Variants in NPNT observed in about 807,000 individuals in gnomAD.
The protein encoded by NPNT is nephronectin.
In NPNT, 45 loss-of-function variants were observed where a neutral mutation model predicts 68.6. That is an observed-to-expected ratio of 0.66 (90% CI 0.52 to 0.84). The LOEUF (loss-of-function observed/expected upper bound fraction) is 0.84, where lower values mean the gene tolerates loss of function less well. Ranked by LOEUF, NPNT falls within the 40% of genes least tolerant of loss-of-function variation. The probability of loss-of-function intolerance (pLI) is 0.00; values close to 1 mark genes in which losing one functional copy is unlikely to be tolerated. For missense variants in NPNT, 672 were observed against 714.8 expected, an observed-to-expected ratio of 0.94 and a Z score of 0.68; for synonymous variants, 233 against 253.3, an observed-to-expected ratio of 0.92 and a Z score of 0.76.
chr4:105,948,688 C>T (rs545935133), intron 8 of NPNT, among the ~76,000 whole-genome samples: 1 of 152,062 alleles, frequency 6.6e-6, no homozygotes, highest in Non-Finnish European at 1.5e-5. Flanking sequence ...ACTCTGTCAC[C>T]CAGGCTGCTG....
At chr4:105,938,787 G>A (rs1481753411) in intron 5 of NPNT, among the ~76,000 whole-genome samples, 1 of 152,136 alleles carries the variant, frequency 6.6e-6, no homozygotes, top group African/African-American at 2.4e-5. Flanking sequence ...TGTTCTTCAG[G>A]CCTCAGATTT....
chr4:105,945,514 G>A (rs1267478463), intron 8 of NPNT, among the ~76,000 whole-genome samples: 1 of 152,112 alleles, frequency 6.6e-6, no homozygotes, highest in Non-Finnish European at 1.5e-5. Flanking sequence ...TCTATCACCT[G>A]TTGCTAAGGT....
chr4:105,924,240 C>G (rs1450340837), intron 2 of NPNT, among the ~76,000 whole-genome samples: 2 of 152,118 alleles, frequency 1.3e-5, no homozygotes, highest in Admixed American at 6.6e-5. Flanking sequence ...TTTTCATACC[C>G]TCTATGACTC....
Position 105,967,221 on chromosome 4 carries a change from C to T in NPNT, c.1379C>T (p.Ala460Val), listed in dbSNP as rs774575903. 4 of 1,613,858 alleles carry T rather than the reference C, an allele frequency of 2.5e-6. No homozygotes were observed. Among genetic ancestry groups the T allele is most frequent in the Non-Finnish European group, 1.7e-6 (2 of 1,179,964 alleles). ...TATCTGACAGTGTCGGCAGCCAAAG[C>T]CCCAGGGGGAAAAGCTGCACGCTTG... ...GQYLTVSAAK[A>V]PGGKAARLVL... The change falls in exon 11 of 12, where the codon GCC (alanine) becomes GTC (valine). Residue 460 changes from alanine to valine, a missense_variant. Transcript: ENST00000379987.
chr4:105,957,330 AC>A (rs1467363961), intron 8 of NPNT, among the ~76,000 whole-genome samples: 1 of 152,110 alleles, frequency 6.6e-6, no homozygotes, highest in African/African-American at 2.4e-5. Context: ...AGTCTTGTCT[AC>A]CCCGTTCACC....
At chr4:105,912,684 AT>A (rs1203558020) in intron 2 of NPNT, 2 of 390,342 alleles carry the variant, frequency 5.1e-6, no homozygotes, top group East Asian at 1.6e-4. Context: ...GAAATATGTT[AT>A]CAGTTATAAT....
intron 7 of NPNT, among the ~76,000 whole-genome samples, chr4:105,942,073 A>G (rs1252497529): frequency 6.6e-6 from 1 of 151,400 alleles, no homozygotes; most frequent in African/African-American, 2.4e-5. Flanking sequence ...CATACATCCA[A>G]AGGATGAATA....
chr4:105,966,290 C>A (rs1710467063), intron 10 of NPNT, among the ~76,000 whole-genome samples: 1 of 152,168 alleles, frequency 6.6e-6, no homozygotes, highest in South Asian at 2.1e-4. Flanking sequence ...AACTTTCTCT[C>A]TCTTGAGAAG....
At chr4:105,922,926 T>G (rs537639583) in intron 2 of NPNT, among the ~76,000 whole-genome samples, 2 of 152,320 alleles carry the variant, frequency 1.3e-5, no homozygotes, top group East Asian at 3.9e-4. Context: ...CATATTTGGA[T>G]GCTAGTGATA....
chr4:105,898,456 T>C (rs78213340), intron 2 of NPNT, among the ~76,000 whole-genome samples: 8,081 of 151,394 alleles, frequency 0.053, 315 homozygotes, highest in Non-Finnish European at 0.084. Flanking sequence ...GGGGATAAGA[T>C]AATGAGTCTA....
intron 2 of NPNT, among the ~76,000 whole-genome samples, chr4:105,914,239 A>G (rs1270931568): frequency 6.7e-6 from 1 of 148,302 alleles, no homozygotes; most frequent in Non-Finnish European, 1.5e-5. Flanking sequence ...AGTATATAGT[A>G]TCAGTATATA....
chr4:105,949,734 A>G (rs572273219), intron 8 of NPNT, among the ~76,000 whole-genome samples: 1 of 152,336 alleles, frequency 6.6e-6, no homozygotes, highest in South Asian at 2.1e-4. Flanking sequence ...TGTTTTATGG[A>G]AAATATTTAA....
intron 9 of NPNT, 146 bp from the exon 10 acceptor site, chr4:105,958,882 A>C: frequency 1.6e-6 from 1 of 611,818 alleles, no homozygotes; most frequent in Non-Finnish European, 2.9e-6. Context: ...AGATTAATGT[A>C]ATTTCCCTTT....
At chr4:105,939,571 A>G (rs1729767321) in intron 5 of NPNT, among the ~76,000 whole-genome samples, 2 of 152,178 alleles carry the variant, frequency 1.3e-5, no homozygotes, top group Admixed American at 6.6e-5. Flanking sequence ...TTTTAATGGA[A>G]TCATTTTGAC....
intron 8 of NPNT, among the ~76,000 whole-genome samples, chr4:105,947,220 T>G (rs1183610421): frequency 6.6e-6 from 1 of 152,168 alleles, no homozygotes; most frequent in Non-Finnish European, 1.5e-5. Flanking sequence ...CTAAAATCGC[T>G]GTTATTGTGT....
intron 10 of NPNT, among the ~76,000 whole-genome samples, chr4:105,965,194 A>T (rs1732019579): frequency 6.6e-6 from 1 of 152,176 alleles, no homozygotes; most frequent in South Asian, 2.1e-4. Flanking sequence ...TGATACTGTA[A>T]ACTGAATGAA....
chr4:105,907,465 T>A (rs1439497905), intron 2 of NPNT, among the ~76,000 whole-genome samples: 1 of 152,224 alleles, frequency 6.6e-6, no homozygotes, highest in East Asian at 1.9e-4. Flanking sequence ...CCTGTCTGAA[T>A]TGTCACCGTA....
At chr4:105,926,428 C>T (rs188618530) in intron 2 of NPNT, among the ~76,000 whole-genome samples, 6 of 152,074 alleles carry the variant, frequency 3.9e-5, no homozygotes, top group East Asian at 1.9e-4. Context: ...TTTGTTGTGG[C>T]GGGTTGTCTG....
At chr4:105,951,396 G>A (rs4616758) in intron 8 of NPNT, among the ~76,000 whole-genome samples, 137,599 of 152,236 alleles carry the variant, frequency 0.9, 62,427 homozygotes, top group East Asian at 1. Context: ...TGATTGCTGC[G>A]TGTTGTCCTG....
Sources: allele counts gnomAD v4.1 joint callset (sites outside exome capture counted in the v4.1 genomes callset), GRCh38; gene constraint gnomAD v4.1.1; transcripts MANE v1.5; gene names NCBI Gene and HGNC (gene_info 2026-07-23, HGNC 2026-07-21).